Variants in CNTNAP2 observed in about 807,000 individuals in gnomAD.
The protein encoded by CNTNAP2 is contactin-associated protein-like 2.
In CNTNAP2, 98 loss-of-function variants were observed where a neutral mutation model predicts 155.2. The ratio of observed to expected loss-of-function variants is 0.63; its 90% confidence interval spans 0.54 to 0.75. CNTNAP2 has a LOEUF of 0.75. CNTNAP2 is among the 30% of genes least tolerant of loss of function. The pLI is 0.00. For synonymous variants in CNTNAP2, 651 were observed against 631.2 expected (o/e 1.03, Z -0.47); for missense variants, 1,727 against 1,688.1 (o/e 1.02, Z -0.40).
intron 15 of CNTNAP2, among the ~76,000 whole-genome samples, chr7:148,061,966 G>GATAGATAAACAGAT (rs1554468131): frequency 3.6e-5 from 4 of 112,164 alleles, no homozygotes; most frequent in African/African-American, 4.7e-5. Flanking sequence ...TAGATAGATA[G>GATAGATAAACAGAT]ATAGATAGAT....
intron 9 of CNTNAP2, among the ~76,000 whole-genome samples, chr7:147,338,634 A>C (rs1795704578): frequency 6.6e-6 from 1 of 152,118 alleles, no homozygotes; most frequent in Non-Finnish European, 1.5e-5. Context: ...GTCTAATTTA[A>C]ACTGAAAACG....
At chr7:146,157,118 A>G (rs1798139037) in intron 1 of CNTNAP2, among the ~76,000 whole-genome samples, 1 of 152,204 alleles carries the variant, frequency 6.6e-6, no homozygotes, top group African/African-American at 2.4e-5. Flanking sequence ...AATAATCAAA[A>G]ATAAAATAAG....
chr7:148,225,102 C>A (rs1021865362), intron 19 of CNTNAP2, among the ~76,000 whole-genome samples: 1 of 152,192 alleles, frequency 6.6e-6, no homozygotes, highest in Non-Finnish European at 1.5e-5. Context: ...AGGCACTATT[C>A]TAGACATTGG....
intron 15 of CNTNAP2, among the ~76,000 whole-genome samples, chr7:148,025,824 A>G (rs1244904016): frequency 6.6e-6 from 1 of 152,236 alleles, no homozygotes; most frequent in Non-Finnish European, 1.5e-5. Flanking sequence ...ATTATCCATA[A>G]TGAGAGAAAA....
At chr7:148,318,895 AC>A (rs1176433788) in intron 21 of CNTNAP2, among the ~76,000 whole-genome samples, 1 of 152,172 alleles carries the variant, frequency 6.6e-6, no homozygotes, top group Admixed American at 6.5e-5. Flanking sequence ...AAAGGAATAA[AC>A]CTGCTCTCCT....
At chr7:146,947,023 A>G (rs1797191594) in intron 3 of CNTNAP2, among the ~76,000 whole-genome samples, 1 of 151,676 alleles carries the variant, frequency 6.6e-6, no homozygotes, top group South Asian at 2.1e-4. Context: ...AAAAATATCA[A>G]TTTATTTATT....
At chr7:146,633,893 C>A (rs1357876695) in intron 1 of CNTNAP2, among the ~76,000 whole-genome samples, 1 of 144,290 alleles carries the variant, frequency 6.9e-6, no homozygotes, top group African/African-American at 2.6e-5. Flanking sequence ...AGTAGGTGTA[C>A]TTTTGGAGTC....
intron 15 of CNTNAP2, among the ~76,000 whole-genome samples, chr7:148,048,747 C>A (rs1279656862): frequency 6.6e-6 from 1 of 152,254 alleles, no homozygotes; most frequent in Non-Finnish European, 1.5e-5. Context: ...CAGAAGCAAA[C>A]CTTGGCCAAT....
intron 1 of CNTNAP2, among the ~76,000 whole-genome samples, chr7:146,710,896 G>C (rs1434066476): frequency 6.6e-6 from 1 of 151,988 alleles, no homozygotes; most frequent in Non-Finnish European, 1.5e-5. Flanking sequence ...GGAATCATTA[G>C]CCAAGTTAGG....
chr7:147,148,092 T>C (rs557297109), intron 8 of CNTNAP2, among the ~76,000 whole-genome samples: 14 of 152,272 alleles, frequency 9.2e-5, no homozygotes, highest in Non-Finnish European at 1.2e-4. Flanking sequence ...CAACATTATA[T>C]GGTAAAAAGT....
chr7:147,227,418 T>C (rs113382523), intron 8 of CNTNAP2, among the ~76,000 whole-genome samples: 2,205 of 152,312 alleles, frequency 0.014, 41 homozygotes, highest in South Asian at 0.056. Flanking sequence ...CTTGTGTTTT[T>C]TTAAAAGCTC....
At chr7:146,380,493 A>G (rs983322353) in intron 1 of CNTNAP2, among the ~76,000 whole-genome samples, 3 of 152,164 alleles carry the variant, frequency 2.0e-5, no homozygotes, top group African/African-American at 7.2e-5. Flanking sequence ...TTGTCTCTTC[A>G]TTATTCTTGG....
At chr7:147,801,424 A>G (rs1244318210) in intron 13 of CNTNAP2, among the ~76,000 whole-genome samples, 1 of 151,572 alleles carries the variant, frequency 6.6e-6, no homozygotes, top group Admixed American at 6.6e-5. Flanking sequence ...CGGCAGATAA[A>G]CAAGTGAACA....
chr7:147,465,458 GC>G (rs1309042997), intron 10 of CNTNAP2, among the ~76,000 whole-genome samples: 1 of 151,898 alleles, frequency 6.6e-6, no homozygotes, highest in Non-Finnish European at 1.5e-5. Flanking sequence ...TCATATCTTG[GC>G]TACTGACATA....
chr7:148,123,568 T>C (rs1804643836), intron 16 of CNTNAP2, among the ~76,000 whole-genome samples: 1 of 148,538 alleles, frequency 6.7e-6, no homozygotes, highest in Admixed American at 6.8e-5. Context: ...CTGTACCCCC[T>C]AGCCTGAGTG....
chr7:147,834,660 A>C (rs2116641397), intron 13 of CNTNAP2, among the ~76,000 whole-genome samples: 1 of 152,248 alleles, frequency 6.6e-6, no homozygotes, highest in South Asian at 2.1e-4. Flanking sequence ...TGGCTACATG[A>C]ACTCAAACCC....
At chr7:146,490,033 G>A (rs1472029551) in intron 1 of CNTNAP2, among the ~76,000 whole-genome samples, 1 of 152,124 alleles carries the variant, frequency 6.6e-6, no homozygotes, top group Admixed American at 6.5e-5. Context: ...GGGAAGACAG[G>A]TTCTCAATCC....
intron 8 of CNTNAP2, among the ~76,000 whole-genome samples, chr7:147,258,198 GTTTT>G (rs11434194): frequency 6.6e-6 from 1 of 151,898 alleles, no homozygotes; most frequent in Non-Finnish European, 1.5e-5. Context: ...AAGTGAATTT[GTTTT>G]TTTATTTTAT....
At chr7:147,109,758 G>T (rs1800837088) in intron 5 of CNTNAP2, among the ~76,000 whole-genome samples, 2 of 152,024 alleles carry the variant, frequency 1.3e-5, no homozygotes, top group Admixed American at 1.3e-4. Flanking sequence ...AAGGCGTTAA[G>T]TAAATATTTT....
Sources: gnomAD v4.1 joint callset for allele counts (sites outside exome capture counted in the v4.1 genomes callset) on GRCh38, gnomAD v4.1.1 for gene constraint, MANE v1.5 for transcripts, NCBI Gene and HGNC (gene_info 2026-07-23, HGNC 2026-07-21) for gene names.